Variants in ZNF611 observed in about 807,000 individuals in gnomAD.
The protein encoded by ZNF611 is zinc finger protein 611.
A neutral mutation model predicts 8.9 loss-of-function variants in ZNF611; 6 were observed. That is an observed-to-expected ratio of 0.68 (90% CI 0.37 to 1.34). The LOEUF (loss-of-function observed/expected upper bound fraction) is 1.34. Ranked by LOEUF, ZNF611 falls within the 40% of genes most tolerant of loss-of-function variation. ZNF611 has a pLI of 0.02. For synonymous variants in ZNF611, 262 were observed against 279.7 expected, an observed-to-expected ratio of 0.94 and a Z score of 0.63; for missense variants, 874 against 841.3, an observed-to-expected ratio of 1.04 and a Z score of -0.48.
rs1319318416 is a variant in ZNF611, at chr19:52,705,147, G to A, written c.1908C>T (p.Ser636=). 1.2e-6 allele frequency: 2 copies of A among 1,613,692 alleles called. No individual in the cohort carries two copies. Among genetic ancestry groups the A allele is most frequent in the Admixed American group, 1.7e-5 (1 of 59,972 alleles). The change falls in exon 6 of 6, where the codon TCC becomes TCT. Residue 636 remains serine (S), a synonymous_variant. Coordinates refer to ENST00000652185, the MANE Select transcript of ZNF611 (RefSeq NM_001161499.2). ...TATGAAGTCTACGATGGTATATAAGGGATGAGCAGTGACGGAAGGTATTGC... is the reference window on the plus strand; with the variant it reads ...TATGAAGTCTACGATGGTATATAAGAGATGAGCAGTGACGGAAGGTATTGC... ...ECGNTFRHCS[S]LIYHRRLHTG...
Position 52,713,731 on chromosome 19 carries a change from A to C in ZNF611, c.190+284T>G, listed in dbSNP as rs189045752. ...ACATGGAGAAACCCCATCTCTACTA[A>C]AAATACAAAATTAGCTGGGTGTGGT... On this transcript the variant is annotated intron_variant, in intron 5 of 5. Coordinates refer to ENST00000652185, the MANE Select transcript of ZNF611 (RefSeq NM_001161499.2). 2.7e-3 allele frequency among the ~76,000 whole-genome samples: 417 copies of C among 152,188 alleles called. 2 individuals are homozygous for C. Among genetic ancestry groups the C allele is most frequent in the African/African-American group, 9.6e-3 (397 of 41,516 alleles).
At chr19:52,713,871 A>C (rs1218977203) in intron 5 of ZNF611, 144 bp downstream of exon 5, 2 of 1,487,962 alleles carry the variant, frequency 1.3e-6, no homozygotes, top group Non-Finnish European at 1.8e-6. Flanking sequence ...AGCCTCGGCA[A>C]TAGGAGCGAA....
At chr19:52,709,453 A>G (rs1186935143) in intron 5 of ZNF611, among the ~76,000 whole-genome samples, 2 of 151,780 alleles carry the variant, frequency 1.3e-5, no homozygotes, top group African/African-American at 4.8e-5. Flanking sequence ...TTATATTTTT[A>G]GTAGAGAAGG....
At position 52,705,700 on chromosome 19, in the gene ZNF611, T is replaced by C. The variant is rs1239727633; in HGVS notation, c.1355A>G (p.Lys452Arg). The C allele has an allele frequency of 6.8e-6, 11 of 1,613,914 alleles. No individual in the cohort carries two copies. Among genetic ancestry groups the C allele is most frequent in the African/African-American group, 1.3e-5 (1 of 74,922 alleles). ...VCHHRLHGGE[K>R]SYKCKVCDKA... ...GTCACAAACCTTACATTTGTAAGAT[T>C]TCTCTCCACCATGAAGTCTATGATG... Residue 452 changes from lysine (K) to arginine (R), a missense_variant, in exon 6 of 6, where the codon AAA becomes AGA. By Grantham distance (26) the Lys-to-Arg change is conservative. Coordinates refer to ENST00000652185, the MANE Select transcript of ZNF611 (RefSeq NM_001161499.2).
In ZNF611 at chr19:52,732,586, T is replaced by A. The variant is rs150000619; in HGVS notation, c.-222+2415A>T. Reference sequence around the variant, plus strand: ...AATAACTCACAGTATTGAGTTATTCTGAATAACTCACAGTATTGAGTTATT... The same window carrying A: ...AATAACTCACAGTATTGAGTTATTCAGAATAACTCACAGTATTGAGTTATT... On this transcript the variant is annotated intron_variant, in intron 1 of 5. Transcript: ENST00000652185. 9.4e-5 allele frequency among the ~76,000 whole-genome samples: 14 copies of A among 149,168 alleles called. No homozygotes were observed. The East Asian group carries it at 1.2e-3, about 13-fold the overall frequency.
intron 4 of ZNF611, among the ~76,000 whole-genome samples, chr19:52,715,319 G>A (rs565518449): frequency 3.9e-4 from 60 of 152,094 alleles, no homozygotes; most frequent in Non-Finnish European, 7.2e-4. Context: ...GCTGGGCGTG[G>A]TGGTAGGTGC....
chr19:52,714,246 T>A, intron 4 of ZNF611, 105 bp from the exon 5 acceptor site: 1 of 1,542,322 alleles, frequency 6.5e-7, no homozygotes. Context: ...TCAAAGATTA[T>A]GTTCTGACAA....
At chr19:52,719,065 G>A (rs2062337014) in intron 3 of ZNF611, among the ~76,000 whole-genome samples, 3 of 152,056 alleles carry the variant, frequency 2.0e-5, no homozygotes, top group Admixed American at 1.3e-4. Context: ...AGCTGCTTGG[G>A]AGGCTGAGGC....
intron 5 of ZNF611, among the ~76,000 whole-genome samples, chr19:52,712,199 A>T (rs1231763138): frequency 6.7e-6 from 1 of 149,782 alleles, no homozygotes; most frequent in African/African-American, 2.5e-5. Flanking sequence ...TGTAGATTCC[A>T]GAAATGCATA....
At position 52,706,077 on chromosome 19, in the gene ZNF611, T is replaced by C. The variant is rs774906734; in HGVS notation, c.978A>G (p.Gln326=). ...CCTTATCAATTAGAAGGGCTGAATT[T>C]TGACCAAAGATCTTGCCACACTCAT... ...NCNECGKIFG[Q]NSALLIDKAI... is the part of the protein sequence containing the mutation. The change falls in exon 6 of 6, where the codon CAA becomes CAG. Residue 326 remains glutamine (Q), a synonymous_variant. Coordinates refer to ENST00000652185, the MANE Select transcript of ZNF611 (RefSeq NM_001161499.2). 109 of 1,613,818 alleles carry C rather than the reference T, an allele frequency of 6.8e-5. No individual in the cohort carries two copies. The highest frequency in any genetic ancestry group is 8.9e-5 in the Non-Finnish European group (105 of 1,179,986).
intron 3 of ZNF611, among the ~76,000 whole-genome samples, chr19:52,725,888 G>A (rs1045957959): frequency 3.9e-5 from 6 of 152,156 alleles, no homozygotes; most frequent in Non-Finnish European, 8.8e-5. Context: ...AAAGGGCGGG[G>A]CCGGGACCGG....
chr19:52,713,375 G>A (rs1259687909), intron 5 of ZNF611, among the ~76,000 whole-genome samples: 1 of 152,074 alleles, frequency 6.6e-6, no homozygotes, highest in African/African-American at 2.4e-5. Context: ...CTGAACATAG[G>A]TTTTCTTGTT....
chr19:52,705,607 T>A lies in ZNF611; in HGVS notation c.1448A>T (p.Lys483Met), dbSNP rs762928522. 1 of 1,614,106 alleles carries A rather than the reference T, an allele frequency of 6.2e-7. No homozygotes were observed. Among genetic ancestry groups the A allele is most frequent in the East Asian group, 2.2e-5 (1 of 44,876 alleles). ...AAAGGTCTTCCCACATTCATTACAC[T>A]TGTAAGGTTTTTCTCCACAGTCAAT... is the stretch of plus-strand genomic sequence containing the variant. Reference protein sequence around the residue: ...TRIDCGEKPYKCNECGKTFGQ... With the variant: ...TRIDCGEKPYMCNECGKTFGQ... Residue 483 changes from lysine (K) to methionine (M), a missense_variant, in exon 6 of 6, where the codon AAG becomes ATG. Physicochemically the swap from Lys to Met is moderately conservative, Grantham distance 95. Coordinates refer to ENST00000652185, the MANE Select transcript of ZNF611 (RefSeq NM_001161499.2).
At chr19:52,716,581 G>A (rs967994116) in intron 3 of ZNF611, among the ~76,000 whole-genome samples, 1 of 152,184 alleles carries the variant, frequency 6.6e-6, no homozygotes, top group African/African-American at 2.4e-5. Context: ...TGGAGAAGGG[G>A]TAGGGTGAGG....
At chr19:52,727,951 C>T (rs1390391159) in intron 3 of ZNF611, among the ~76,000 whole-genome samples, 1 of 149,672 alleles carries the variant, frequency 6.7e-6, no homozygotes, top group Non-Finnish European at 1.5e-5. Flanking sequence ...GCTTTGTTGC[C>T]CAGGCTGCAG....
intron 3 of ZNF611, among the ~76,000 whole-genome samples, chr19:52,719,759 TTTTTG>T (rs767461790): frequency 2.6e-5 from 4 of 152,188 alleles, no homozygotes; most frequent in Admixed American, 6.5e-5. Flanking sequence ...GCTTCATTCT[TTTTTG>T]TTTTGTTTTG....
At chr19:52,713,878 C>A in intron 5 of ZNF611, 137 bp downstream of exon 5, 1 of 1,511,308 alleles carries the variant, frequency 6.6e-7, no homozygotes, top group Admixed American at 2.1e-5. Context: ...GCAATAGGAG[C>A]GAAACACCAT....
rs377188502 is a variant in ZNF611 at position 52,703,655 on chromosome 19, G to C, written c.*1282C>G. On this transcript the variant is annotated 3_prime_UTR_variant, in exon 6 of 6. Coordinates refer to ENST00000652185, the MANE Select transcript of ZNF611 (RefSeq NM_001161499.2). ...CGCCCAGGCTGGAGCCCAGTGGTGC[G>C]ATCTCGACTCCCTGCAAGCTCCGCC... 1.4e-5 allele frequency: 2 copies of C among 146,088 alleles called. No homozygotes were observed. The highest frequency in any genetic ancestry group is 3.0e-5 in the Non-Finnish European group (2 of 67,182). The allele number at this position is 146,088 out of a possible 1,614,324, so 9.0% of individuals were successfully genotyped here.
intron 5 of ZNF611, among the ~76,000 whole-genome samples, chr19:52,710,411 C>A (rs190030177): frequency 6.6e-6 from 1 of 151,872 alleles, no homozygotes; most frequent in East Asian, 1.9e-4. Flanking sequence ...TGTATTTTTA[C>A]TAGAGATGGG....
Sources: gnomAD v4.1 joint callset for allele counts (sites outside exome capture counted in the v4.1 genomes callset) on GRCh38, gnomAD v4.1.1 for gene constraint, MANE v1.5 for transcripts, NCBI Gene and HGNC (gene_info 2026-07-23, HGNC 2026-07-21) for gene names.